SSH2: variants seen among roughly 807,000 people sequenced by gnomAD.
SSH2 encodes protein phosphatase Slingshot homolog 2.
Under a neutral mutation model 135.2 loss-of-function variants are expected in SSH2, and 37 were observed. That is an observed-to-expected ratio of 0.27 (90% confidence interval 0.21 to 0.36). The LOEUF (loss-of-function observed/expected upper bound fraction) is 0.36, where lower values mean the gene tolerates loss of function less well. Ranked by LOEUF, SSH2 falls within the 10% of genes least tolerant of loss-of-function variation. SSH2 has a pLI of 1.00. For missense variants in SSH2, 1,408 were observed against 1,765.3 expected (o/e 0.80, Z 3.63); for synonymous variants, 628 against 646.2 (o/e 0.97, Z 0.43).
intron 3 of SSH2, among the ~76,000 whole-genome samples, chr17:29,709,052 A>AGAGAGAGAGAGCGCGC (rs1491229455): frequency 7.6e-5 from 11 of 144,602 alleles, no homozygotes; most frequent in African/African-American, 2.3e-4. Context: ...AGAGAGAGAG[A>AGAGAGAGAGAGCGCGC]GCTAATAATA....
At chr17:29,696,552 T>C (rs541327098) in intron 4 of SSH2, among the ~76,000 whole-genome samples, 21 of 144,426 alleles carry the variant, frequency 1.5e-4, no homozygotes, top group African/African-American at 4.3e-4. Context: ...AGAGCCAAGA[T>C]TGCGCTACTG....
At chr17:29,683,119 T>C (rs1240542167) in intron 6 of SSH2, among the ~76,000 whole-genome samples, 1 of 152,156 alleles carries the variant, frequency 6.6e-6, no homozygotes, top group Non-Finnish European at 1.5e-5. Context: ...TGTGGCTAAA[T>C]TTCCCTAGGC....
chr17:29,641,465 C>T (rs993264623), intron 14 of SSH2: 2 of 152,038 alleles, frequency 1.3e-5, no homozygotes, highest in Non-Finnish European at 2.9e-5. Flanking sequence ...AACCAAGTCT[C>T]AGATCCTTTT....
At chr17:29,826,834 C>T (rs1397336995) in intron 2 of SSH2, among the ~76,000 whole-genome samples, 5 of 152,116 alleles carry the variant, frequency 3.3e-5, no homozygotes. Context: ...GGTCTATGGA[C>T]ATATGACCAT....
chr17:29,866,759 A>G (rs1374308465), intron 1 of SSH2, among the ~76,000 whole-genome samples: 1 of 152,088 alleles, frequency 6.6e-6, no homozygotes, highest in Non-Finnish European at 1.5e-5. Flanking sequence ...ATATTCTATT[A>G]TTTTCCATTT....
intron 9 of SSH2, among the ~76,000 whole-genome samples, chr17:29,670,166 G>A (rs1176187692): frequency 2.6e-5 from 4 of 152,088 alleles, no homozygotes; most frequent in Admixed American, 2.0e-4. Context: ...ACAGGCATGA[G>A]CCACCACCCA....
At chr17:29,657,574 G>GTTTTTTTTTT (rs764763821) in intron 11 of SSH2, among the ~76,000 whole-genome samples, 1 of 80,070 alleles carries the variant, frequency 1.2e-5, no homozygotes, top group African/African-American at 5.0e-5. Flanking sequence ...CGGCTACTTT[G>GTTTTTTTTTT]TTTTTTTTTT....
At chr17:29,700,850 C>T (rs1465332400) in intron 4 of SSH2, among the ~76,000 whole-genome samples, 2 of 152,138 alleles carry the variant, frequency 1.3e-5, no homozygotes, top group Non-Finnish European at 2.9e-5. Context: ...AGGGTAGCAG[C>T]GCAATCTCAG....
chr17:29,844,723 G>A (rs1451969432), intron 2 of SSH2, among the ~76,000 whole-genome samples: 1 of 152,232 alleles, frequency 6.6e-6, no homozygotes, highest in Non-Finnish European at 1.5e-5. Context: ...CCTGTGCACA[G>A]TAGAGGGAGC....
intron 1 of SSH2, among the ~76,000 whole-genome samples, chr17:29,898,417 AAT>A (rs2066484442): frequency 6.6e-6 from 1 of 152,170 alleles, no homozygotes; most frequent in Non-Finnish European, 1.5e-5. Flanking sequence ...AGAAGAATCA[AAT>A]AGACACAATA....
intron 2 of SSH2, among the ~76,000 whole-genome samples, chr17:29,823,910 G>A (rs1264177603): frequency 6.7e-6 from 1 of 149,534 alleles, no homozygotes; most frequent in East Asian, 1.9e-4. Context: ...ATTCCACACT[G>A]GGCCTTGCTG....
chr17:29,884,006 A>C lies in SSH2; in HGVS notation c.64-35077T>G, dbSNP rs530005439. On this transcript the variant is annotated intron_variant, in intron 1 of 15. Coordinates refer to ENST00000540801, the MANE Select transcript of SSH2 (RefSeq NM_001282129.2). ...TACATATATATATGATGAGTGAGAG[A>C]GGTTACTATGTTGCCCAGGCTGGTC... Among the ~76,000 whole-genome samples, 54 of 152,174 alleles carry C rather than the reference A, an allele frequency of 3.5e-4. 3 individuals carry two copies. In the South Asian group the frequency reaches 0.011, roughly 30 times the overall value.
At chr17:29,912,986 T>G (rs1165989535) in intron 1 of SSH2, among the ~76,000 whole-genome samples, 2 of 151,166 alleles carry the variant, frequency 1.3e-5, no homozygotes, top group African/African-American at 4.9e-5. Context: ...CTAAGTCTGG[T>G]CTAGAACCCA....
At chr17:29,771,387 TC>T (rs1286921761) in intron 3 of SSH2, among the ~76,000 whole-genome samples, 4 of 152,222 alleles carry the variant, frequency 2.6e-5, no homozygotes, top group Non-Finnish European at 4.4e-5. Flanking sequence ...AGATGACTGA[TC>T]CTTTGCACTA....
intron 9 of SSH2, among the ~76,000 whole-genome samples, chr17:29,670,428 T>C (rs2037446081): frequency 6.6e-6 from 1 of 152,176 alleles, no homozygotes; most frequent in Non-Finnish European, 1.5e-5. Context: ...AAACATCCTG[T>C]GCAAAAAAAG....
intron 1 of SSH2, among the ~76,000 whole-genome samples, chr17:29,902,417 G>A (rs2066574521): frequency 6.6e-6 from 1 of 151,838 alleles, no homozygotes; most frequent in African/African-American, 2.4e-5. Context: ...GTTAACACTT[G>A]TTGCACAGTG....
chr17:29,661,219 T>C lies in SSH2; in HGVS notation c.1033-5612A>G, dbSNP rs991106059. On this transcript the variant is annotated intron_variant, in intron 11 of 15. Transcript: ENST00000540801. Reference sequence around the variant, plus strand: ...TTGTCTTATCACCACTGTATCCTTATTCCATTGGCCTTCTCTGAGTATCTA... The same window carrying C: ...TTGTCTTATCACCACTGTATCCTTACTCCATTGGCCTTCTCTGAGTATCTA... Among the ~76,000 whole-genome samples, 4 of 152,294 alleles carry C rather than the reference T, an allele frequency of 2.6e-5. No individual in the cohort carries two copies. In the South Asian group the frequency reaches 8.3e-4, roughly 32 times the overall value.
chr17:29,807,833 T>C (rs2042373106), intron 2 of SSH2, among the ~76,000 whole-genome samples: 1 of 31,256 alleles, frequency 3.2e-5, no homozygotes, highest in Admixed American at 2.6e-4. Context: ...TTTTGATGGC[T>C]TTTTTTTTTT....
At chr17:29,871,373 T>C (rs976831375) in intron 1 of SSH2, among the ~76,000 whole-genome samples, 1 of 152,184 alleles carries the variant, frequency 6.6e-6, no homozygotes, top group African/African-American at 2.4e-5. Flanking sequence ...CAAATTTATG[T>C]TCTGGAACAT....
Sources: gnomAD v4.1 joint callset for allele counts (sites outside exome capture counted in the v4.1 genomes callset) on GRCh38, gnomAD v4.1.1 for gene constraint, MANE v1.5 for transcripts, NCBI Gene and HGNC (gene_info 2026-07-23, HGNC 2026-07-21) for gene names.